The following CDH22 variants were observed in gnomAD, a reference collection of about 807,000 sequenced individuals.
The protein encoded by CDH22 is cadherin 22.
Under a neutral mutation model 58.4 loss-of-function variants are expected in CDH22, and 30 were observed. That is an observed-to-expected ratio of 0.51 (90% CI 0.38 to 0.70). The LOEUF (loss-of-function observed/expected upper bound fraction) is 0.70. CDH22 is among the 30% of genes least tolerant of loss of function. The pLI is 0.00. For missense variants in CDH22, 1,014 were observed against 1,233.9 expected, an observed-to-expected ratio of 0.82 and a Z score of 2.67; for synonymous variants, 513 against 558.2, an observed-to-expected ratio of 0.92 and a Z score of 1.14.
Position 46,210,315 on chromosome 20 carries a change from C to T in CDH22, c.1278G>A (p.Arg426=), listed in dbSNP as rs981864379. 16 of 1,444,582 alleles carry T rather than the reference C, an allele frequency of 1.1e-5. No individual in the cohort carries two copies. Among genetic ancestry groups the T allele is most frequent in the Non-Finnish European group, 1.4e-5 (16 of 1,104,338 alleles). 89.5% of individuals were successfully genotyped at this position (1,444,582 alleles called of 1,614,324 possible). The change falls in exon 7 of 12, where the codon CGG becomes CGA. Residue 426 remains arginine (R), a synonymous_variant. Coordinates refer to ENST00000537909, the MANE Select transcript of CDH22 (RefSeq NM_021248.3). This position sits in a 1 kb window ranked among gnomAD's most constrained non-coding sequence, Gnocchi z 4.5. ...CCGGGCGGGGGTCTCACCGGACGGG[C>T]CGGTTGGCGGCGTCGGGGTCCCGCG... The part of the protein sequence containing the change: ...VTARDPDAAN[R]PVRYAIDRES...
In CDH22 at chr20:46,251,206, G is replaced by A; in HGVS notation, c.89C>T (p.Pro30Leu). 4 of 1,460,990 alleles carry A rather than the reference G, an allele frequency of 2.7e-6. No individual in the cohort carries two copies. In the South Asian group the frequency reaches 4.1e-5, roughly 15 times the overall value. The allele number at this position is 1,460,990 out of a possible 1,614,324, so 90.5% of individuals were successfully genotyped here. A position where few individuals can be genotyped will look rare whatever the true frequency, so the allele number is the denominator to read the frequency against. Residue 30 changes from proline to leucine, a missense_variant, in exon 2 of 12, where the codon CCG becomes CTG. This residue lies in a region of CDH22 where 806 missense variants were observed against 1,038.7 expected (regional missense o/e 0.78). Transcript: ENST00000537909. The surrounding 1 kb of genome is among the most constrained non-coding windows in gnomAD (Gnocchi z 6.7). ...TGCCCACAGGCGCCCCAGCAGCGTC[G>A]GCGGCGGCGGCAGCAGCAGCAGCAG... ...LLLLLLLPPP[P>L]TLLGRLWAAG...
chr20:46,210,452 C>T lies in CDH22; in HGVS notation c.1141G>A (p.Val381Met). 2 of 1,436,940 alleles carry T rather than the reference C, an allele frequency of 1.4e-6. No homozygotes were observed. Among genetic ancestry groups the T allele is most frequent in the South Asian group, 1.5e-5 (1 of 65,828 alleles). 89.0% of individuals were successfully genotyped at this position (1,436,940 alleles called of 1,614,324 possible). A position where few individuals can be genotyped will look rare whatever the true frequency, so the allele number is the denominator to read the frequency against. The change falls in exon 7 of 12, where the codon GTG becomes ATG. Residue 381 changes from valine (V) to methionine (M), a missense_variant. Transcript: ENST00000537909. The surrounding 1 kb of genome is among the most constrained non-coding windows in gnomAD (Gnocchi z 4.5). ...DLGTFRDQAI[V>M]RVAVTDVDEP... is the part of the protein sequence containing the mutation. ...TCCACGTCGGTCACGGCCACGCGCA[C>T]GATCGCCTGGTCGCGGAACGTGCCC...
At chr20:46,260,631 C>T (rs2086428741) in intron 1 of CDH22, among the ~76,000 whole-genome samples, 1 of 152,182 alleles carries the variant, frequency 6.6e-6, no homozygotes. Flanking sequence ...ATGACCTTCC[C>T]TCTCACTGGG....
Position 46,251,136 on chromosome 20 carries a change from G to A in CDH22, c.159C>T (p.Gly53=), listed in dbSNP as rs766706092. The change falls in exon 2 of 12, where the codon GGC becomes GGT. Residue 53 remains glycine, a synonymous_variant. Transcript: ENST00000537909. The surrounding 1 kb of genome is among the most constrained non-coding windows in gnomAD (Gnocchi z 6.7). ...GTTTGACGCGGCCGGCTCCCAGCGC[G>A]CCGTCCTGCCGAGCTCCGGGCGCCG... ...SPSAPGARQD[G]ALGAGRVKRG... is the part of the protein sequence containing the mutation. The A allele has an allele frequency of 1.2e-6, 2 of 1,601,298 alleles. No individual in the cohort carries two copies. Among genetic ancestry groups the A allele is most frequent in the South Asian group, 1.1e-5 (1 of 90,476 alleles).
intron 3 of CDH22, among the ~76,000 whole-genome samples, chr20:46,229,722 A>G (rs183971256): frequency 1.2e-4 from 19 of 152,332 alleles, no homozygotes; most frequent in African/African-American, 4.6e-4. Flanking sequence ...TGGCACAATT[A>G]TGCCTCCCTC....
intron 1 of CDH22, among the ~76,000 whole-genome samples, chr20:46,290,243 A>T (rs1351154208): frequency 6.6e-6 from 1 of 152,202 alleles, no homozygotes; most frequent in Non-Finnish European, 1.5e-5. Flanking sequence ...AGAAGCTCAC[A>T]ATATATAGTC....
intron 1 of CDH22, among the ~76,000 whole-genome samples, chr20:46,272,631 T>C (rs1435175862): frequency 6.6e-6 from 1 of 152,136 alleles, no homozygotes; most frequent in Non-Finnish European, 1.5e-5. Context: ...AGAGCAGAAC[T>C]AGAGGTCAGC....
intron 1 of CDH22, among the ~76,000 whole-genome samples, chr20:46,291,445 A>T (rs1043854430): frequency 6.6e-6 from 1 of 152,206 alleles, no homozygotes; most frequent in African/African-American, 2.4e-5. Flanking sequence ...TCCCCGTTTT[A>T]CAGATTGGAA....
chr20:46,233,944 C>T (rs6094263), intron 3 of CDH22, among the ~76,000 whole-genome samples: 4 of 152,248 alleles, frequency 2.6e-5, no homozygotes, highest in Admixed American at 1.3e-4. Flanking sequence ...TGGCTTGGGC[C>T]TGCGGGCTGC....
At chr20:46,247,053 C>A (rs1384507375) in intron 2 of CDH22, among the ~76,000 whole-genome samples, 2 of 151,610 alleles carry the variant, frequency 1.3e-5, no homozygotes, top group East Asian at 3.9e-4. Flanking sequence ...ACCTTCCCCC[C>A]CACTTAGTGG....
At chr20:46,272,031 T>A (rs1355218854) in intron 1 of CDH22, among the ~76,000 whole-genome samples, 1 of 152,242 alleles carries the variant, frequency 6.6e-6, no homozygotes, top group African/African-American at 2.4e-5. Context: ...GACACCCTCA[T>A]CTGTCAAGTG....
At position 46,177,961 on chromosome 20, in the gene CDH22, C is replaced by T. The variant is rs749043438; in HGVS notation, c.1900G>A (p.Val634Ile). The change falls in exon 11 of 12, where the codon GTT (valine) becomes ATT (isoleucine). Residue 634 changes from valine to isoleucine, a missense_variant. By Grantham distance (29) the Val-to-Ile change is conservative (BLOSUM62 3). Transcript: ENST00000537909. Reference protein sequence around the residue: ...PGALIALLVCVLILVVLVLLI... With the variant: ...PGALIALLVCILILVVLVLLI... ...ATGGACTCACCAACCAGGATGAGAA[C>T]GCAGACCAAGAGGGCGATGAGGGCG... The T allele has an allele frequency of 1.9e-5, 30 of 1,613,674 alleles. No homozygotes were observed. Among genetic ancestry groups the T allele is most frequent in the African/African-American group, 4.0e-5 (3 of 74,890 alleles).
At chr20:46,276,470 G>T (rs903992090) in intron 1 of CDH22, among the ~76,000 whole-genome samples, 1 of 152,208 alleles carries the variant, frequency 6.6e-6, no homozygotes, top group Admixed American at 6.5e-5. Flanking sequence ...GGTCAGCAAA[G>T]AGAGGGATAA....
intron 1 of CDH22, among the ~76,000 whole-genome samples, chr20:46,301,375 C>A (rs561141597): frequency 3.9e-5 from 6 of 152,234 alleles, no homozygotes; most frequent in Middle Eastern, 3.4e-3. Flanking sequence ...GAGGCTCACT[C>A]AGCTATTAAG....
At chr20:46,177,921 G>T in intron 11 of CDH22, 25 bp downstream of exon 11, 1 of 1,611,068 alleles carries the variant, frequency 6.2e-7, no homozygotes, top group Admixed American at 1.7e-5. Context: ...ATCAGGCAGG[G>T]CTGGGTGGCT....
At chr20:46,259,881 G>C (rs943308443) in intron 1 of CDH22, among the ~76,000 whole-genome samples, 1 of 151,920 alleles carries the variant, frequency 6.6e-6, no homozygotes, top group Non-Finnish European at 1.5e-5. Flanking sequence ...AATGAAATGA[G>C]AAAAAAAAGA....
intron 1 of CDH22, among the ~76,000 whole-genome samples, chr20:46,302,462 A>G (rs2086656515): frequency 6.6e-6 from 1 of 152,192 alleles, no homozygotes; most frequent in Non-Finnish European, 1.5e-5. Context: ...TGTGCTGCAG[A>G]TGACACAAGG....
chr20:46,301,760 G>A (rs542918169), intron 1 of CDH22, among the ~76,000 whole-genome samples: 6 of 152,206 alleles, frequency 3.9e-5, no homozygotes, highest in African/African-American at 9.6e-5. Context: ...GCAGTGAACC[G>A]AGATTGCGCC....
chr20:46,176,908 A>C (rs1390735095), intron 11 of CDH22, among the ~76,000 whole-genome samples: 1 of 152,202 alleles, frequency 6.6e-6, no homozygotes, highest in Non-Finnish European at 1.5e-5. Context: ...TAGAGCACTG[A>C]TGTGCACTTT....
Sources: gnomAD v4.1 joint callset for allele counts (sites outside exome capture counted in the v4.1 genomes callset) on GRCh38, gnomAD v4.1.1 for gene constraint, gnomAD v4.1.1 regional missense constraint, Gnocchi (gnomAD v3.1) non-coding constraint, MANE v1.5 for transcripts, NCBI Gene and HGNC (gene_info 2026-07-23, HGNC 2026-07-21) for gene names.